The following GALNT10 variants were observed in gnomAD, a reference collection of about 807,000 sequenced individuals.
GALNT10 encodes the protein GalNAc transferase 10.
A neutral mutation model predicts 75.0 loss-of-function variants in GALNT10; 41 were observed. The ratio of observed to expected loss-of-function variants is 0.55; its 90% CI spans 0.43 to 0.71. The LOEUF (loss-of-function observed/expected upper bound fraction) is 0.71. Among genes scored for constraint, GALNT10 ranks in the 30% least tolerant of loss-of-function variants. The pLI is 0.00. For synonymous variants in GALNT10, 302 were observed against 313.0 expected, an observed-to-expected ratio of 0.96 and a Z score of 0.37; for missense variants, 727 against 818.5, an observed-to-expected ratio of 0.89 and a Z score of 1.36.
At chr5:154,363,441 G>C (rs766253693) in intron 4 of GALNT10, among the ~76,000 whole-genome samples, 1 of 135,080 alleles carries the variant, frequency 7.4e-6, no homozygotes, top group East Asian at 2.3e-4. Context: ...CCTGCAGGAC[G>C]TCTGAATCTT....
intron 1 of GALNT10, among the ~76,000 whole-genome samples, chr5:154,234,506 G>A (rs74654359): frequency 0.016 from 2,471 of 152,332 alleles, 55 homozygotes; most frequent in African/African-American, 0.056. Context: ...GCCAGGCACT[G>A]TTCTAAGCAC....
intron 7 of GALNT10, 187 bp downstream of exon 7, chr5:154,386,617 G>GGGGGGGGGGGGGC: frequency 2.7e-6 from 1 of 365,832 alleles, no homozygotes; most frequent in Non-Finnish European, 5.3e-6. Flanking sequence ...GGGGGTGTGG[G>GGGGGGGGGGGGGC]AGGGAAGGGG....
intron 1 of GALNT10, among the ~76,000 whole-genome samples, chr5:154,284,478 C>T (rs1228970242): frequency 6.6e-6 from 1 of 152,202 alleles, no homozygotes; most frequent in Non-Finnish European, 1.5e-5. Flanking sequence ...ATTTTTTAGT[C>T]TCTCTCTGAA....
chr5:154,198,959 G>T (rs563663625), intron 1 of GALNT10, among the ~76,000 whole-genome samples: 6 of 152,202 alleles, frequency 3.9e-5, no homozygotes, highest in African/African-American at 7.2e-5. Flanking sequence ...AATCTGTCAC[G>T]CAATGCTGTA....
At chr5:154,287,623 A>C (rs10069568) in intron 1 of GALNT10, 1 of 151,968 alleles carries the variant, frequency 6.6e-6, no homozygotes, top group South Asian at 2.1e-4. Context: ...TCCTTCCTTA[A>C]ATACTTGTCT....
At chr5:154,381,543 A>G (rs1209722429) in intron 6 of GALNT10, among the ~76,000 whole-genome samples, 1 of 152,270 alleles carries the variant, frequency 6.6e-6, no homozygotes, top group Non-Finnish European at 1.5e-5. Flanking sequence ...GTGATAAATT[A>G]CTATAAACTT....
intron 1 of GALNT10, among the ~76,000 whole-genome samples, chr5:154,209,733 C>A (rs973586536): frequency 5.9e-5 from 9 of 152,172 alleles, no homozygotes; most frequent in South Asian, 2.1e-4. Flanking sequence ...TCTTGTAATA[C>A]CGTCACCTTG....
At chr5:154,379,937 C>T (rs1324751130) in intron 5 of GALNT10, among the ~76,000 whole-genome samples, 2 of 152,140 alleles carry the variant, frequency 1.3e-5, no homozygotes, top group Non-Finnish European at 2.9e-5. Flanking sequence ...GCCTAGGGTG[C>T]CAGTGAGCTG....
At chr5:154,410,612 A>C (rs1258752963) in intron 9 of GALNT10, among the ~76,000 whole-genome samples, 1 of 152,212 alleles carries the variant, frequency 6.6e-6, no homozygotes, top group East Asian at 1.9e-4. Context: ...TTCTTGGCTA[A>C]CACGGGGCAG....
rs1449047284 is a variant in GALNT10 at position 154,412,163 on chromosome 5, GC to G, written c.1387-721del. 1.3e-5 allele frequency among the ~76,000 whole-genome samples: 2 copies of G among 152,334 alleles called. No homozygotes were observed. Among genetic ancestry groups the G allele is most frequent in the East Asian group, 1.9e-4 (1 of 5,182 alleles). ...GTGGTGCATTTTCATAGCCACCACA[GC>G]CCCCTATCCCTCAGATAAAGTAGGA... is the stretch of plus-strand genomic sequence containing the variant. On this transcript the variant is annotated intron_variant, in intron 9 of 11. Coordinates refer to ENST00000297107, the MANE Select transcript of GALNT10 (RefSeq NM_198321.4). This position sits in a 1 kb window ranked among gnomAD's most constrained non-coding sequence, Gnocchi z 4.2.
At chr5:154,195,268 C>T (rs192131458) in intron 1 of GALNT10, among the ~76,000 whole-genome samples, 5 of 152,334 alleles carry the variant, frequency 3.3e-5, no homozygotes, top group Middle Eastern at 3.4e-3. Context: ...ATGCTCCTGA[C>T]GGTGTTTGCA....
intron 7 of GALNT10, among the ~76,000 whole-genome samples, chr5:154,391,610 C>T (rs1162665489): frequency 6.6e-6 from 1 of 152,214 alleles, no homozygotes; most frequent in Non-Finnish European, 1.5e-5. Flanking sequence ...TTCCCCTTTT[C>T]CTCTTATCCC....
rs910381026 is a variant in GALNT10, at chr5:154,190,860, G to C, written c.-7G>C. 3.8e-6 allele frequency: 5 copies of C among 1,301,282 alleles called. No homozygotes were observed. The highest frequency in any genetic ancestry group is 2.0e-5 in the South Asian group (1 of 49,632). 80.6% of individuals were successfully genotyped at this position (1,301,282 alleles called of 1,614,324 possible). On this transcript the variant is annotated 5_prime_UTR_variant, in exon 1 of 12. Transcript: ENST00000297107. ...CCGGCGGGGCGCGGCGGGGCTGACC[G>C]GCCCCGATGAGGCGGAAGGAGAAGC...
chr5:154,378,317 T>TCATCATCATC (rs1554100934), intron 5 of GALNT10, among the ~76,000 whole-genome samples: 1 of 150,882 alleles, frequency 6.6e-6, no homozygotes, highest in East Asian at 2.0e-4. Flanking sequence ...TTTCCTTTTT[T>TCATCATCATC]ATCATCATCA....
intron 1 of GALNT10, among the ~76,000 whole-genome samples, chr5:154,290,080 T>G (rs116632690): frequency 0.011 from 1,715 of 149,956 alleles, 34 homozygotes; most frequent in African/African-American, 0.04. Flanking sequence ...TCAGGCTCCA[T>G]GTACTCTGTA....
intron 1 of GALNT10, among the ~76,000 whole-genome samples, chr5:154,291,139 A>G (rs975024345): frequency 3.9e-5 from 6 of 152,182 alleles, no homozygotes; most frequent in African/African-American, 1.4e-4. Flanking sequence ...TCTCAATGCC[A>G]TCAGTTCAGC....
At chr5:154,262,258 CA>C (rs57715753) in intron 1 of GALNT10, among the ~76,000 whole-genome samples, 37,183 of 152,052 alleles carry the variant, frequency 0.24, 5,532 homozygotes, top group African/African-American at 0.42. Context: ...TGCCTGGCAT[CA>C]ATGCAGGGAA....
intron 9 of GALNT10, among the ~76,000 whole-genome samples, chr5:154,411,872 C>A (rs897381291): frequency 1.3e-5 from 2 of 152,118 alleles, no homozygotes; most frequent in African/African-American, 4.8e-5. Context: ...GCCATGAGAC[C>A]ACAACAGTGG....
intron 3 of GALNT10, among the ~76,000 whole-genome samples, chr5:154,299,009 C>T (rs2113080006): frequency 6.6e-6 from 1 of 152,324 alleles, no homozygotes; most frequent in East Asian, 1.9e-4. Context: ...ATTGCTTCTA[C>T]ATGAAGGCAG....
Sources: gnomAD v4.1 joint callset for allele counts (sites outside exome capture counted in the v4.1 genomes callset) on GRCh38, gnomAD v4.1.1 for gene constraint, Gnocchi (gnomAD v3.1) non-coding constraint, MANE v1.5 for transcripts, NCBI Gene and HGNC (gene_info 2026-07-23, HGNC 2026-07-21) for gene names.